GABRA2: variants seen among roughly 807,000 people sequenced by gnomAD.
The protein encoded by GABRA2 is gamma-aminobutyric acid receptor subunit alpha-2.
A neutral mutation model predicts 48.7 loss-of-function variants in GABRA2; 16 were observed. That is an observed-to-expected ratio of 0.33 (90% confidence interval 0.22 to 0.50). The LOEUF (loss-of-function observed/expected upper bound fraction) is 0.50, where lower values mean the gene tolerates loss of function less well. Among genes scored for constraint, GABRA2 ranks in the 20% least tolerant of loss-of-function variants. GABRA2 has a pLI of 0.98. For missense variants in GABRA2, 275 were observed against 535.6 expected, an observed-to-expected ratio of 0.51 and a Z score of 4.80; for synonymous variants, 185 against 184.5, an observed-to-expected ratio of 1.00 and a Z score of -0.02.
intron 3 of GABRA2, among the ~76,000 whole-genome samples, chr4:46,376,892 G>A (rs556506043): frequency 4.6e-5 from 7 of 152,128 alleles, no homozygotes; most frequent in East Asian, 1.9e-4. Context: ...GCAGGCGCGC[G>A]CCTGACTGGT....
intron 8 of GABRA2, among the ~76,000 whole-genome samples, chr4:46,283,838 C>A (rs1004836732): frequency 2.0e-5 from 3 of 152,160 alleles, no homozygotes; most frequent in African/African-American, 7.2e-5. Context: ...CGGCTCACTG[C>A]CAGCTCCGCC....
At chr4:46,362,612 A>G (rs1177701930) in intron 3 of GABRA2, among the ~76,000 whole-genome samples, 1 of 152,238 alleles carries the variant, frequency 6.6e-6, no homozygotes, top group Non-Finnish European at 1.5e-5. Context: ...TCAGGTTGGA[A>G]ATAGAATTAA....
chr4:46,250,252 C>A lies in GABRA2; in HGVS notation c.*56G>T. 6.7e-7 allele frequency: 1 copy of A among 1,490,456 alleles called. No individual in the cohort carries two copies. The highest frequency in any genetic ancestry group is 9.2e-7 in the Non-Finnish European group (1 of 1,090,034). The allele number at this position is 1,490,456 out of a possible 1,614,324, so 92.3% of individuals were successfully genotyped here. On this transcript the variant is annotated 3_prime_UTR_variant, in exon 10 of 10. Coordinates refer to ENST00000381620, the MANE Select transcript of GABRA2 (RefSeq NM_000807.4). ...CAGTTATTAGTCAGACTGTACATAG[C>A]AAAACAAACCAAATTTAATGTTGCT...
At chr4:46,257,047 T>G (rs1394012088) in intron 9 of GABRA2, among the ~76,000 whole-genome samples, 1 of 151,688 alleles carries the variant, frequency 6.6e-6, no homozygotes, top group Non-Finnish European at 1.5e-5. Context: ...AGATATGTAC[T>G]AAATACTGTG....
At chr4:46,294,183 C>T (rs955772874) in intron 8 of GABRA2, among the ~76,000 whole-genome samples, 1 of 152,192 alleles carries the variant, frequency 6.6e-6, no homozygotes, top group African/African-American at 2.4e-5. Context: ...TTGGCTTCCA[C>T]AAGATATCAC....
At chr4:46,377,981 A>G (rs1300973414) in intron 3 of GABRA2, among the ~76,000 whole-genome samples, 10 of 141,394 alleles carry the variant, frequency 7.1e-5, no homozygotes, top group African/African-American at 2.7e-4. Context: ...TCCAGGAGGG[A>G]GGTGGGGGGG....
intron 3 of GABRA2, among the ~76,000 whole-genome samples, chr4:46,382,729 A>G (rs960703133): frequency 6.6e-6 from 1 of 152,160 alleles, no homozygotes; most frequent in African/African-American, 2.4e-5. Flanking sequence ...TATTATTCCC[A>G]TTTTCCCAAA....
intron 8 of GABRA2, among the ~76,000 whole-genome samples, chr4:46,271,627 A>T (rs1441760208): frequency 6.6e-6 from 1 of 151,946 alleles, no homozygotes; most frequent in Admixed American, 6.6e-5. Context: ...CTTAACTCAA[A>T]CTCACATCTT....
chr4:46,356,437 G>A (rs201343084), intron 3 of GABRA2, among the ~76,000 whole-genome samples: 299 of 139,348 alleles, frequency 2.1e-3, no homozygotes, highest in Non-Finnish European at 1.9e-3. Context: ...AACTCACTAA[G>A]AAAAAAAAAA....
At chr4:46,354,336 T>A (rs1735635544) in intron 3 of GABRA2, among the ~76,000 whole-genome samples, 1 of 152,178 alleles carries the variant, frequency 6.6e-6, no homozygotes, top group Non-Finnish European at 1.5e-5. Context: ...TGAGTTTCTG[T>A]TGTGTGTAGG....
In GABRA2 at chr4:46,390,074, G is replaced by A. The variant is rs1216272032; in HGVS notation, c.-350C>T. On this transcript the variant is annotated 5_prime_UTR_variant, in exon 1 of 10. Transcript: ENST00000381620. ...TGGGGCCGGGGGGGGAAATTGGGGG[G>A]ACGCGGGCGGAGGCGCGGTGCGCGC... 5 of 191,174 alleles carry A rather than the reference G, an allele frequency of 2.6e-5. No individual in the cohort carries two copies. The highest frequency in any genetic ancestry group is 4.2e-4 in the South Asian group (2 of 4,706). The allele number at this position is 191,174 out of a possible 1,614,324, so 11.8% of individuals were successfully genotyped here.
chr4:46,317,429 C>T (rs917960282), intron 4 of GABRA2, among the ~76,000 whole-genome samples: 9 of 151,102 alleles, frequency 6.0e-5, no homozygotes, highest in East Asian at 3.9e-4. Flanking sequence ...TAATATGGAA[C>T]GATATAGACA....
intron 3 of GABRA2, among the ~76,000 whole-genome samples, chr4:46,374,552 T>C (rs1355090769): frequency 2.0e-5 from 3 of 152,154 alleles, no homozygotes; most frequent in Non-Finnish European, 4.4e-5. Context: ...GATATAACTC[T>C]ACTCCTCTAC....
At chr4:46,335,702 C>T (rs1464116876) in intron 3 of GABRA2, among the ~76,000 whole-genome samples, 1 of 152,056 alleles carries the variant, frequency 6.6e-6, no homozygotes, top group Admixed American at 6.6e-5. Context: ...AACTCCTGAC[C>T]TCAGGTGATC....
intron 4 of GABRA2, among the ~76,000 whole-genome samples, chr4:46,327,676 A>T (rs1330253876): frequency 6.6e-6 from 1 of 152,012 alleles, no homozygotes; most frequent in African/African-American, 2.4e-5. Context: ...TTAACTACTG[A>T]ACTAATTAAT....
rs887120251 is a variant in GABRA2, at chr4:46,313,095, A to G, written c.256-379T>C. Among the ~76,000 whole-genome samples the G allele has an allele frequency of 4.7e-5, 7 of 150,118 alleles. No homozygotes were observed. In the Admixed American group the frequency reaches 4.7e-4, roughly 10 times the overall value. ...AAGTAGCCTATTTCAAGAAAAAATG[A>G]GTAGGCAGCTTTCCCAGTAGCAAAT... is the stretch of plus-strand genomic sequence containing the variant. On this transcript the variant is annotated intron_variant, in intron 4 of 9. Transcript: ENST00000381620.
chr4:46,389,611 G>T, intron 1 of GABRA2, 124 bp downstream of exon 1: 2 of 516,028 alleles, frequency 3.9e-6, no homozygotes, highest in Non-Finnish European at 5.0e-6. Flanking sequence ...AGGGAGGTGC[G>T]GGAATTGAGC....
At chr4:46,358,097 A>G (rs373246516) in intron 3 of GABRA2, among the ~76,000 whole-genome samples, 20 of 152,280 alleles carry the variant, frequency 1.3e-4, no homozygotes, top group East Asian at 9.7e-4. Context: ...GTAAGCACTC[A>G]ACAGGTGATG....
intron 3 of GABRA2, among the ~76,000 whole-genome samples, chr4:46,362,235 A>G (rs879674126): frequency 1.4e-4 from 22 of 152,144 alleles, no homozygotes; most frequent in Non-Finnish European, 2.1e-4. Context: ...GGTCTTTCCC[A>G]TGCTGTTCTC....
Sources: gnomAD v4.1 joint callset for allele counts (sites outside exome capture counted in the v4.1 genomes callset) on GRCh38, gnomAD v4.1.1 for gene constraint, MANE v1.5 for transcripts, NCBI Gene and HGNC (gene_info 2026-07-23, HGNC 2026-07-21) for gene names.